EFEMP1: variants seen among roughly 807,000 people sequenced by gnomAD.
EFEMP1 encodes the protein EGF-like fibulin extracellular matrix protein 1, also known as EGF-containing fibulin-like extracellular matrix protein 1.
A neutral mutation model predicts 65.7 loss-of-function variants in EFEMP1; 18 were observed. The ratio of observed to expected loss-of-function variants is 0.27; its 90% CI spans 0.19 to 0.41. EFEMP1 has a LOEUF of 0.41. Ranked by LOEUF, EFEMP1 falls within the 10% of genes least tolerant of loss-of-function variation. EFEMP1 has a pLI of 1.00. For synonymous variants in EFEMP1, 237 were observed against 219.7 expected, an observed-to-expected ratio of 1.08 and a Z score of -0.70; for missense variants, 469 against 624.8, an observed-to-expected ratio of 0.75 and a Z score of 2.66.
intron 5 of EFEMP1, among the ~76,000 whole-genome samples, chr2:55,892,935 T>G (rs1232543470): frequency 1.3e-5 from 2 of 152,190 alleles, no homozygotes; most frequent in African/African-American, 4.8e-5. Context: ...CAAGTTTTCA[T>G]TTTGAAAGAA....
chr2:55,871,307 A>G lies in EFEMP1; in HGVS notation c.1001-184T>C, dbSNP rs906196453. Among the ~76,000 whole-genome samples, 4 of 152,118 alleles carry G rather than the reference A, an allele frequency of 2.6e-5. No individual in the cohort carries two copies. Among genetic ancestry groups the G allele is most frequent in the African/African-American group, 9.7e-5 (4 of 41,446 alleles). ...TGAATTCAGGACAGACAGAGCTGAGACATTCTAGGCAGATTAATATGTGTC... is the reference window on the plus strand; with the variant it reads ...TGAATTCAGGACAGACAGAGCTGAGGCATTCTAGGCAGATTAATATGTGTC... On this transcript the variant is annotated intron_variant, in intron 9 of 11. Coordinates refer to ENST00000355426, the MANE Select transcript of EFEMP1 (RefSeq NM_001039348.3). The surrounding 1 kb of genome is among the most constrained non-coding windows in gnomAD (Gnocchi z 4.2).
chr2:55,871,018 T>C lies in EFEMP1; in HGVS notation c.1106A>G (p.Tyr369Cys), dbSNP rs766343862. 1.2e-6 allele frequency: 2 copies of C among 1,613,746 alleles called. No homozygotes were observed. The highest frequency in any genetic ancestry group is 1.7e-5 in the Admixed American group (1 of 59,902). The change falls in exon 10 of 12, where the codon TAC becomes TGC. Residue 369 changes from tyrosine to cysteine, a missense_variant. This residue lies in a region of EFEMP1 where 399 missense variants were observed against 528.2 expected (regional missense o/e 0.76). Transcript: ENST00000355426. This position sits in a 1 kb window ranked among gnomAD's most constrained non-coding sequence, Gnocchi z 4.2. ...CYPRNPCQDP[Y>C]ILTPENRCVC... ...TTCTTACTTCTCTGGTGTTAGAATG[T>C]AGGGATCTTGACAAGGATTTCGTGG...
intron 8 of EFEMP1, 32 bp downstream of exon 8, chr2:55,876,591 C>T: frequency 2.5e-6 from 4 of 1,609,006 alleles, no homozygotes; most frequent in South Asian, 1.1e-5. Context: ...AGGAATTGGA[C>T]TTTATTCCAT....
intron 5 of EFEMP1, among the ~76,000 whole-genome samples, chr2:55,894,188 CTACATG>C (rs367967124): frequency 2.6e-5 from 4 of 152,132 alleles, no homozygotes; most frequent in African/African-American, 9.6e-5. Context: ...TAATTAGAAC[CTACATG>C]TAATTCTGAG....
intron 5 of EFEMP1, among the ~76,000 whole-genome samples, chr2:55,913,298 A>G (rs1443800549): frequency 2.6e-5 from 4 of 152,166 alleles, no homozygotes; most frequent in Admixed American, 6.5e-5. Flanking sequence ...GAGATGGTGG[A>G]AACCCTAGGG....
At chr2:55,881,587 G>T (rs372752758) in intron 6 of EFEMP1, 25 bp downstream of exon 6, 1 of 1,612,740 alleles carries the variant, frequency 6.2e-7, no homozygotes, top group South Asian at 1.1e-5. Flanking sequence ...AGACAGGACC[G>T]TGCTCACTGC....
chr2:55,876,716 G>C lies in EFEMP1; in HGVS notation c.787C>G (p.Gln263Glu). 1 of 1,609,606 alleles carries C rather than the reference G, an allele frequency of 6.2e-7. No homozygotes were observed. The highest frequency in any genetic ancestry group is 2.2e-5 in the East Asian group (1 of 44,736). Residue 263 changes from glutamine (Q) to glutamate (E), a missense_variant, in exon 8 of 12, where the codon CAA becomes GAA. Around this residue, in one of 3 missense-constraint regions of EFEMP1, gnomAD observed 399 missense variants for 528.2 expected, o/e 0.76. Transcript: ENST00000355426. ...VDINECDASN[Q>E]CAQQCYNILG... is the part of the protein sequence containing the mutation. ...ATGTTGTAGCACTGCTGAGCACATT[G>C]ATTGCTGGCATCACATTCATTTATA...
At chr2:55,891,751 G>A (rs1449683395) in intron 5 of EFEMP1, among the ~76,000 whole-genome samples, 1 of 151,950 alleles carries the variant, frequency 6.6e-6, no homozygotes, top group African/African-American at 2.4e-5. Flanking sequence ...CCTGTATTAA[G>A]GATTTTTCAG....
In EFEMP1 at chr2:55,877,010, T is replaced by G. The variant is rs1465260441; in HGVS notation, c.761-268A>C. ...TTTCTAGGAATGACAGTTAGTTTGA[T>G]GTTTGATGAATCTTTCCAAAGGAAT... On this transcript the variant is annotated intron_variant, in intron 7 of 11. Coordinates refer to ENST00000355426, the MANE Select transcript of EFEMP1 (RefSeq NM_001039348.3). This position sits in a 1 kb window ranked among gnomAD's most constrained non-coding sequence, Gnocchi z 4.5. 6.6e-6 allele frequency among the ~76,000 whole-genome samples: 1 copy of G among 152,120 alleles called. No individual in the cohort carries two copies. Among genetic ancestry groups the G allele is most frequent in the Non-Finnish European group, 1.5e-5 (1 of 68,000 alleles).
At chr2:55,878,474 A>G (rs1442570149) in intron 6 of EFEMP1, among the ~76,000 whole-genome samples, 1 of 152,046 alleles carries the variant, frequency 6.6e-6, no homozygotes, top group Non-Finnish European at 1.5e-5. Context: ...TTCTCATATA[A>G]ATATTTTCAA....
chr2:55,870,575 A>T lies in EFEMP1; in HGVS notation c.1320+145T>A. On this transcript the variant is annotated intron_variant, in intron 11 of 11. Transcript: ENST00000355426. The surrounding 1 kb of genome is among the most constrained non-coding windows in gnomAD (Gnocchi z 5.8). ...GGAATAAATGAAATAATGTAGCTGG[A>T]AGGCCTTACACAATGCCTACACATA... The T allele has an allele frequency of 1.2e-6, 1 of 860,192 alleles. No individual in the cohort carries two copies. Among genetic ancestry groups the T allele is most frequent in the South Asian group, 1.4e-5 (1 of 69,584 alleles). 53.3% of individuals were successfully genotyped at this position (860,192 alleles called of 1,614,324 possible).
rs1670820761 is a variant in EFEMP1 at position 55,919,159 on chromosome 2, GGCAT to G, written c.82-896_82-893del. ...TAGGAAGAGAGGCTATTGTGACAAA[GGCAT>G]AAAATTTTTGAAAAGGGAAGGAGCT... On this transcript the variant is annotated intron_variant, in intron 3 of 11. Transcript: ENST00000355426. This position sits in a 1 kb window ranked among gnomAD's most constrained non-coding sequence, Gnocchi z 4.5. Among the ~76,000 whole-genome samples, 1 of 152,160 alleles carries G rather than the reference GGCAT, an allele frequency of 6.6e-6. No individual in the cohort carries two copies. Among genetic ancestry groups the G allele is most frequent in the African/African-American group, 2.4e-5 (1 of 41,426 alleles).
intron 5 of EFEMP1, among the ~76,000 whole-genome samples, chr2:55,910,494 A>T (rs564080670): frequency 2.0e-5 from 3 of 152,236 alleles, no homozygotes; most frequent in Admixed American, 6.5e-5. Context: ...CAGCAATTCA[A>T]CACGTGCAAA....
At chr2:55,905,774 T>C (rs1465618556) in intron 5 of EFEMP1, among the ~76,000 whole-genome samples, 2 of 152,138 alleles carry the variant, frequency 1.3e-5, no homozygotes, top group African/African-American at 4.8e-5. Flanking sequence ...TCTTTAAAGC[T>C]CTATTAGAAT....
chr2:55,882,375 T>G (rs1156430423), intron 5 of EFEMP1, among the ~76,000 whole-genome samples: 2 of 152,228 alleles, frequency 1.3e-5, no homozygotes, highest in African/African-American at 4.8e-5. Context: ...ATCATATTCC[T>G]CTAGCCTGTG....
At position 55,877,348 on chromosome 2, in the gene EFEMP1, G is replaced by A. The variant is rs1455891334; in HGVS notation, c.760+398C>T. Among the ~76,000 whole-genome samples, 3 of 152,020 alleles carry A rather than the reference G, an allele frequency of 2.0e-5. No individual in the cohort carries two copies. Among genetic ancestry groups the A allele is most frequent in the South Asian group, 2.1e-4 (1 of 4,830 alleles). ...CATGCCAATCTTTTAATTGTGTGCC[G>A]TGACATTGCATTCTGAAAGGGGAGA... On this transcript the variant is annotated intron_variant, in intron 7 of 11. Transcript: ENST00000355426. The surrounding 1 kb of genome is among the most constrained non-coding windows in gnomAD (Gnocchi z 4.5).
Position 55,917,215 on chromosome 2 carries a change from G to T in EFEMP1, c.517+450C>A, listed in dbSNP as rs988505359. Among the ~76,000 whole-genome samples the T allele has an allele frequency of 2.6e-5, 4 of 152,176 alleles. No individual in the cohort carries two copies. Among genetic ancestry groups the T allele is most frequent in the Non-Finnish European group, 2.9e-5 (2 of 68,032 alleles). ...AATAACCTGATGGTGACTTTTGCCA[G>T]CTGTGACTTTGGCACCCGCCTTCCT... On this transcript the variant is annotated intron_variant, in intron 5 of 11. Transcript: ENST00000355426. The surrounding 1 kb of genome is among the most constrained non-coding windows in gnomAD (Gnocchi z 6.3).
chr2:55,910,811 G>A (rs1670453608), intron 5 of EFEMP1, among the ~76,000 whole-genome samples: 2 of 152,156 alleles, frequency 1.3e-5, no homozygotes, highest in South Asian at 4.1e-4. Flanking sequence ...GAGTCTAAAT[G>A]GAAAGAGATG....
At chr2:55,908,781 T>G (rs571123454) in intron 5 of EFEMP1, among the ~76,000 whole-genome samples, 138 of 152,298 alleles carry the variant, frequency 9.1e-4, no homozygotes, top group African/African-American at 3.3e-3. Context: ...ATCATAAATA[T>G]TAACACTTTC....
Sources: gnomAD v4.1 joint callset for allele counts (sites outside exome capture counted in the v4.1 genomes callset) on GRCh38, gnomAD v4.1.1 for gene constraint, gnomAD v4.1.1 regional missense constraint, Gnocchi (gnomAD v3.1) non-coding constraint, MANE v1.5 for transcripts, NCBI Gene and HGNC (gene_info 2026-07-23, HGNC 2026-07-21) for gene names.